EPHA6: variants seen among roughly 807,000 people sequenced by gnomAD.
EPHA6 encodes the protein ephrin type-A receptor 6.
A neutral mutation model predicts 112.0 loss-of-function variants in EPHA6; 50 were observed. That is an observed-to-expected ratio of 0.45 (90% CI 0.36 to 0.56). The LOEUF (loss-of-function observed/expected upper bound fraction) is 0.56, where lower values mean the gene tolerates loss of function less well. EPHA6 is among the 20% of genes least tolerant of loss of function. The pLI, the probability that EPHA6 is intolerant of heterozygous loss-of-function variation, is 0.00. For synonymous variants in EPHA6, 529 were observed against 490.7 expected, an observed-to-expected ratio of 1.08 and a Z score of -1.03; for missense variants, 1,280 against 1,417.4, an observed-to-expected ratio of 0.90 and a Z score of 1.56.
rs145904317 is a variant in EPHA6, at chr3:97,700,084, T to G, written c.2785-20177T>G. Among the ~76,000 whole-genome samples the G allele has an allele frequency of 5.9e-5, 9 of 152,356 alleles. No individual in the cohort carries two copies. The South Asian group carries it at 1.5e-3, about 25-fold the overall frequency. On this transcript the variant is annotated intron_variant, in intron 14 of 17. Coordinates refer to ENST00000389672, the MANE Select transcript of EPHA6 (RefSeq NM_001080448.3). ...ACAACATATTACTGTGTTTGCTACT[T>G]CTTCATGTGGACCACAAAAAGCACA...
rs116618942 is a variant in EPHA6, at chr3:96,835,371, A to G, written c.385+20363A>G. 8.0e-3 allele frequency among the ~76,000 whole-genome samples: 1,216 copies of G among 152,188 alleles called. 15 individuals carry two copies. The highest frequency in any genetic ancestry group is 0.027 in the African/African-American group (1,129 of 41,558). ...CACATCTACTTTCAAGTTTCAAGAA[A>G]GACTTTGTATAGGACGTGAAGCTTG... On this transcript the variant is annotated intron_variant, in intron 1 of 17. Transcript: ENST00000389672.
chr3:97,236,336 T>C (rs2078679153), intron 4 of EPHA6, among the ~76,000 whole-genome samples: 1 of 151,762 alleles, frequency 6.6e-6, no homozygotes, highest in Non-Finnish European at 1.5e-5. Context: ...AGGAATGACG[T>C]AAGAGTCTAA....
At chr3:97,028,202 A>T (rs2044708393) in intron 3 of EPHA6, among the ~76,000 whole-genome samples, 1 of 152,156 alleles carries the variant, frequency 6.6e-6, no homozygotes, top group African/African-American at 2.4e-5. Flanking sequence ...TTTAGTAACT[A>T]GCTATATAGA....
chr3:97,335,145 T>A (rs551848259), intron 5 of EPHA6, among the ~76,000 whole-genome samples: 1 of 152,260 alleles, frequency 6.6e-6, no homozygotes, highest in South Asian at 2.1e-4. Context: ...CTCCAGAAGG[T>A]CATTAGGCTT....
intron 1 of EPHA6, among the ~76,000 whole-genome samples, chr3:96,817,958 C>A (rs1054760424): frequency 2.0e-4 from 31 of 151,844 alleles, no homozygotes; most frequent in African/African-American, 7.2e-4. Context: ...TTCCTATGAA[C>A]CAAACCTCCT....
intron 10 of EPHA6, among the ~76,000 whole-genome samples, chr3:97,495,842 G>A (rs749530966): frequency 6.2e-4 from 94 of 152,238 alleles, no homozygotes; most frequent in Non-Finnish European, 1.1e-3. Context: ...CTCTGATCAA[G>A]AAATTGTACC....
At chr3:97,036,722 T>G (rs1381266004) in intron 3 of EPHA6, among the ~76,000 whole-genome samples, 1 of 151,996 alleles carries the variant, frequency 6.6e-6, no homozygotes, top group Non-Finnish European at 1.5e-5. Flanking sequence ...TACATTTACT[T>G]TCATCACCAT....
At chr3:97,054,831 A>G (rs940593881) in intron 3 of EPHA6, among the ~76,000 whole-genome samples, 2 of 152,082 alleles carry the variant, frequency 1.3e-5, no homozygotes, top group African/African-American at 4.8e-5. Context: ...TCTAGGTTTC[A>G]TTGTAATGGA....
At chr3:96,980,484 A>G (rs1465226533) in intron 2 of EPHA6, among the ~76,000 whole-genome samples, 8 of 152,038 alleles carry the variant, frequency 5.3e-5, no homozygotes, top group Admixed American at 3.9e-4. Context: ...GTCAGGTAGC[A>G]TGATGCCTCC....
rs530381114 is a variant in EPHA6, at chr3:97,743,517, T to C, written c.3129-3906T>C. On this transcript the variant is annotated intron_variant, in intron 16 of 17. Transcript: ENST00000389672. ...TGTTAGCAACCTAAGAGTCTAACTTTAGAGAATTAACAAATTATTAAGCAT... is the reference window on the plus strand; with the variant it reads ...TGTTAGCAACCTAAGAGTCTAACTTCAGAGAATTAACAAATTATTAAGCAT... Among the ~76,000 whole-genome samples the C allele has an allele frequency of 1.2e-4, 19 of 152,254 alleles. No individual in the cohort carries two copies. In the South Asian group the frequency reaches 3.3e-3, roughly 27 times the overall value.
At chr3:97,585,638 T>G (rs1010022376) in intron 11 of EPHA6, among the ~76,000 whole-genome samples, 3 of 151,352 alleles carry the variant, frequency 2.0e-5, no homozygotes, top group African/African-American at 7.4e-5. Flanking sequence ...ACAGTAATGG[T>G]CATATTATTT....
intron 14 of EPHA6, among the ~76,000 whole-genome samples, chr3:97,644,317 A>G (rs1474356163): frequency 6.7e-6 from 1 of 148,386 alleles, no homozygotes; most frequent in Non-Finnish European, 1.5e-5. Flanking sequence ...ATAGCACTAA[A>G]TGCCCACAAG....
intron 3 of EPHA6, among the ~76,000 whole-genome samples, chr3:97,096,244 T>TAC (rs138232835): frequency 0.13 from 19,383 of 149,646 alleles, 1,345 homozygotes; most frequent in Non-Finnish European, 0.17. Flanking sequence ...TATATATATA[T>TAC]ACACACACAC....
chr3:96,942,316 A>C (rs977548349), intron 2 of EPHA6, among the ~76,000 whole-genome samples: 1 of 152,152 alleles, frequency 6.6e-6, no homozygotes, highest in Non-Finnish European at 1.5e-5. Context: ...TAGCAATGGC[A>C]GGCACCCCTC....
At chr3:96,859,343 A>C (rs1246492007) in intron 1 of EPHA6, among the ~76,000 whole-genome samples, 1 of 151,912 alleles carries the variant, frequency 6.6e-6, no homozygotes, top group African/African-American at 2.4e-5. Context: ...CTGATGACTA[A>C]AGGTTAGATT....
intron 5 of EPHA6, among the ~76,000 whole-genome samples, chr3:97,295,339 T>G (rs1182095521): frequency 1.3e-5 from 2 of 152,026 alleles, no homozygotes; most frequent in Non-Finnish European, 2.9e-5. Context: ...TTCTTTCTTC[T>G]GCTTGATCCA....
rs1396275493 is a variant in EPHA6 at position 97,068,154 on chromosome 3, C to CAA, written c.1114+80170_1114+80171dup. ...TGAGTGACAGAGCAAGACTCCATCT[C>CAA]AAAAAAAAAAGAAAAAAAAAAAAAA... On this transcript the variant is annotated intron_variant, in intron 3 of 17. Transcript: ENST00000389672. 2.1e-4 allele frequency among the ~76,000 whole-genome samples: 13 copies of CAA among 60,938 alleles called. 1 individual carries two copies. The highest frequency in any genetic ancestry group is 8.2e-4 in the African/African-American group (8 of 9,794). The allele number at this position is 60,938 out of a possible 152,430, so 40.0% of individuals were successfully genotyped here.
In EPHA6 at chr3:97,350,068, T is replaced by A. The variant is rs56785011; in HGVS notation, c.1607-55082T>A. On this transcript the variant is annotated intron_variant, in intron 5 of 17. Transcript: ENST00000389672. ...CCATGGTTTGTTTCCGGGAAATTTTTAATTTCCTAATGAAAGACATAGCAT... is the reference window on the plus strand; with the variant it reads ...CCATGGTTTGTTTCCGGGAAATTTTAAATTTCCTAATGAAAGACATAGCAT... Among the ~76,000 whole-genome samples, 950 of 152,164 alleles carry A rather than the reference T, an allele frequency of 6.2e-3. 13 individuals are homozygous for A. The highest frequency in any genetic ancestry group is 0.021 in the African/African-American group (860 of 41,546).
intron 3 of EPHA6, among the ~76,000 whole-genome samples, chr3:97,204,063 C>CT (rs1265140155): frequency 4.6e-5 from 7 of 151,844 alleles, no homozygotes; most frequent in Non-Finnish European, 7.4e-5. Context: ...TTCTAAACAA[C>CT]TTTTTTTTAC....
Sources: allele counts gnomAD v4.1 joint callset (sites outside exome capture counted in the v4.1 genomes callset), GRCh38; gene constraint gnomAD v4.1.1; transcripts MANE v1.5; gene names NCBI Gene and HGNC (gene_info 2026-07-23, HGNC 2026-07-21).